Variants in MTOR observed in about 807,000 individuals in gnomAD.
MTOR encodes mechanistic target of rapamycin kinase.
MTOR carries 70 observed loss-of-function variants against 319.8 expected under a neutral mutation model. That is an observed-to-expected ratio of 0.22 (90% confidence interval 0.18 to 0.27). The LOEUF is 0.27. Ranked by LOEUF, MTOR falls within the 10% of genes least tolerant of loss-of-function variation. The pLI, the probability that MTOR is intolerant of heterozygous loss-of-function variation, is 1.00. For synonymous variants in MTOR, 1,183 were observed against 1,211.4 expected (o/e 0.98, Z 0.49); for missense variants, 1,890 against 3,274.4 (o/e 0.58, Z 10.32).
At chr1:11,117,139 A>G in intron 49 of MTOR, 53 bp from the exon 50 acceptor site, 1 of 1,361,134 alleles carries the variant, frequency 7.3e-7, no homozygotes, top group Non-Finnish European at 1.0e-6. Context: ...TAATTTCAAC[A>G]TAATTATACT....
chr1:11,190,292 G>A (rs1645477839), intron 28 of MTOR, among the ~76,000 whole-genome samples: 1 of 152,182 alleles, frequency 6.6e-6, no homozygotes, highest in African/African-American at 2.4e-5. Context: ...AGAGCTGACA[G>A]GCTATATCTC....
chr1:11,154,843 C>T (rs1314871295), intron 30 of MTOR, among the ~76,000 whole-genome samples: 1 of 151,162 alleles, frequency 6.6e-6, no homozygotes, highest in African/African-American at 2.4e-5. Context: ...TAAAGTCCTG[C>T]CTCTTAAAAA....
At chr1:11,237,815 C>T (rs1311860776) in intron 13 of MTOR, 28 bp downstream of exon 13, 17 of 1,612,808 alleles carry the variant, frequency 1.1e-5, no homozygotes, top group Non-Finnish European at 1.4e-5. Flanking sequence ...TCTTCCCTGC[C>T]TGTGGGTCTG....
intron 19 of MTOR, among the ~76,000 whole-genome samples, chr1:11,227,762 T>C (rs1280105780): frequency 6.6e-6 from 1 of 152,178 alleles, no homozygotes; most frequent in Non-Finnish European, 1.5e-5. Context: ...AGTCATCACT[T>C]TGCAACCACC....
Position 11,128,356 on chromosome 1 carries a change from G to A in MTOR, c.5910+98C>T. 1 of 1,333,678 alleles carries A rather than the reference G, an allele frequency of 7.5e-7. No individual in the cohort carries two copies. Among genetic ancestry groups the A allele is most frequent in the South Asian group, 1.2e-5 (1 of 81,166 alleles). 82.6% of individuals were successfully genotyped at this position (1,333,678 alleles called of 1,614,324 possible). On this transcript the variant is annotated intron_variant, in intron 42 of 57. Transcript: ENST00000361445. This position sits in a 1 kb window ranked among gnomAD's most constrained non-coding sequence, Gnocchi z 5.3. ...CTCCTGGGCCAGGATGGAACACATG[G>A]CTCCCAGTTCCTGCGCTTGTGTCGC...
intron 8 of MTOR, among the ~76,000 whole-genome samples, chr1:11,247,140 T>C (rs1485343010): frequency 6.6e-6 from 1 of 152,152 alleles, no homozygotes; most frequent in Admixed American, 6.5e-5. Context: ...GGCAAGGACA[T>C]TTACAGCTGG....
intron 28 of MTOR, among the ~76,000 whole-genome samples, chr1:11,176,167 G>GAGA (rs1439792018): frequency 6.6e-6 from 1 of 152,176 alleles, no homozygotes; most frequent in Non-Finnish European, 1.5e-5. Context: ...GCCACCTGAA[G>GAGA]AGAAACCTGG....
chr1:11,248,183 C>T, intron 6 of MTOR, 89 bp from the exon 7 acceptor site: 1 of 1,376,378 alleles, frequency 7.3e-7, no homozygotes, highest in Non-Finnish European at 9.9e-7. Context: ...TTACATTTGC[C>T]TAATCCCGAA....
At chr1:11,122,296 T>G (rs1427958184) in intron 47 of MTOR, among the ~76,000 whole-genome samples, 170 bp from the exon 48 acceptor site, 3 of 151,960 alleles carry the variant, frequency 2.0e-5, no homozygotes, top group Non-Finnish European at 4.4e-5. Context: ...CTCTGCCTCC[T>G]GGGTTCAAGT....
Position 11,107,227 on chromosome 1 carries a change from A to G in MTOR, c.*258T>C. On this transcript the variant is annotated 3_prime_UTR_variant, in exon 58 of 58. Coordinates refer to ENST00000361445, the MANE Select transcript of MTOR (RefSeq NM_004958.4). ...ATGGATCTTCTGTTCCCCAAAATGAATGGCTTGATTTACGTGGTATTACTA... is the reference window on the plus strand; with the variant it reads ...ATGGATCTTCTGTTCCCCAAAATGAGTGGCTTGATTTACGTGGTATTACTA... The G allele has an allele frequency of 7.1e-7, 1 of 1,412,380 alleles. No homozygotes were observed. Among genetic ancestry groups the G allele is most frequent in the Non-Finnish European group, 9.3e-7 (1 of 1,074,766 alleles). 87.5% of individuals were successfully genotyped at this position (1,412,380 alleles called of 1,614,324 possible).
rs1346191381 is a variant in MTOR at position 11,151,281 on chromosome 1, T to C, written c.4470-1055A>G. ...AGTACAGCAGATATTAACTTTGTTG[T>C]CTCTCTGGCACATGATCAAGAAAAC... On this transcript the variant is annotated intron_variant, in intron 30 of 57. Coordinates refer to ENST00000361445, the MANE Select transcript of MTOR (RefSeq NM_004958.4). 7.2e-5 allele frequency among the ~76,000 whole-genome samples: 11 copies of C among 152,142 alleles called. No homozygotes were observed. In the East Asian group the frequency reaches 1.7e-3, roughly 24 times the overall value.
At chr1:11,125,784 G>A (rs1642798718) in intron 46 of MTOR, among the ~76,000 whole-genome samples, 1 of 149,090 alleles carries the variant, frequency 6.7e-6, no homozygotes, top group South Asian at 2.1e-4. Context: ...GTTCACACCT[G>A]TAATCCCAGC....
At chr1:11,119,697 G>A (rs567841984) in intron 49 of MTOR, among the ~76,000 whole-genome samples, 1 of 147,674 alleles carries the variant, frequency 6.8e-6, no homozygotes, top group Non-Finnish European at 1.5e-5. Context: ...AGTGAGCCGA[G>A]ATCGTGCTGC....
In MTOR at chr1:11,189,463, G is replaced by A. The variant is rs114009413; in HGVS notation, c.4253+9795C>T. The A allele has an allele frequency of 2.0e-4, 249 of 1,220,494 alleles. 1 individual carries two copies. In the African/African-American group the frequency reaches 3.1e-3, roughly 15 times the overall value. 75.6% of individuals were successfully genotyped at this position (1,220,494 alleles called of 1,614,324 possible). Reference sequence around the variant, plus strand: ...GAAAGAGAGAAAACAACAAAGTGGCGAGGCCCTCAGAGTGAAAGCGTAAGG... The same window carrying A: ...GAAAGAGAGAAAACAACAAAGTGGCAAGGCCCTCAGAGTGAAAGCGTAAGG... On this transcript the variant is annotated intron_variant, in intron 28 of 57. Transcript: ENST00000361445.
intron 6 of MTOR, among the ~76,000 whole-genome samples, chr1:11,253,384 G>A (rs957419391): frequency 2.0e-5 from 3 of 152,016 alleles, no homozygotes; most frequent in African/African-American, 7.3e-5. Context: ...TACTTCCAAT[G>A]TTTACCCCTG....
Position 11,230,908 on chromosome 1 carries a change from G to T in MTOR, c.2779+17C>A. On this transcript the variant is annotated intron_variant, in intron 18 of 57. Coordinates refer to ENST00000361445, the MANE Select transcript of MTOR (RefSeq NM_004958.4). ...AGTGAGAACTTGGCAAGTCTTTCAT[G>T]GCTACCCCCAACTTACAGGAATCCT... is the stretch of plus-strand genomic sequence containing the variant. 1 of 1,613,320 alleles carries T rather than the reference G, an allele frequency of 6.2e-7. No individual in the cohort carries two copies. The highest frequency in any genetic ancestry group is 1.1e-5 in the South Asian group (1 of 91,028).
chr1:11,128,822 G>T lies in MTOR; in HGVS notation c.5811+33C>A. 1 of 1,565,668 alleles carries T rather than the reference G, an allele frequency of 6.4e-7. No homozygotes were observed. The highest frequency in any genetic ancestry group is 1.1e-5 in the South Asian group (1 of 88,722). On this transcript the variant is annotated intron_variant, in intron 41 of 57. Transcript: ENST00000361445. The surrounding 1 kb of genome is among the most constrained non-coding windows in gnomAD (Gnocchi z 5.3). Reference sequence around the variant, plus strand: ...AGGAGACACACAGAAGAGAGACTTGGAGCCACCTTCACCTGTAACCAAGTA... The same window carrying T: ...AGGAGACACACAGAAGAGAGACTTGTAGCCACCTTCACCTGTAACCAAGTA...
chr1:11,242,990 G>T, intron 9 of MTOR, 124 bp downstream of exon 9: 2 of 907,566 alleles, frequency 2.2e-6, no homozygotes, highest in Non-Finnish European at 3.4e-6. Context: ...TTCTTCATAT[G>T]ATTTGCTATA....
chr1:11,128,630 T>C lies in MTOR; in HGVS notation c.5812-78A>G, dbSNP rs1483427124. On this transcript the variant is annotated intron_variant, in intron 41 of 57. Transcript: ENST00000361445. The surrounding 1 kb of genome is among the most constrained non-coding windows in gnomAD (Gnocchi z 5.3). ...TATTCTTCTAGGCAAAGATCAATTC[T>C]TTTAACTTGTTTCGGTTGATGCTCT... 1 of 1,400,676 alleles carries C rather than the reference T, an allele frequency of 7.1e-7. No individual in the cohort carries two copies. Among genetic ancestry groups the C allele is most frequent in the East Asian group, 2.3e-5 (1 of 43,536 alleles). 86.8% of individuals were successfully genotyped at this position (1,400,676 alleles called of 1,614,324 possible). A position where few individuals can be genotyped will look rare whatever the true frequency, so the allele number is the denominator to read the frequency against.
Sources: gnomAD v4.1 joint callset for allele counts (sites outside exome capture counted in the v4.1 genomes callset) on GRCh38, gnomAD v4.1.1 for gene constraint, Gnocchi (gnomAD v3.1) non-coding constraint, MANE v1.5 for transcripts, NCBI Gene and HGNC (gene_info 2026-07-23, HGNC 2026-07-21) for gene names.